The following CARMIL1 variants were observed in gnomAD, a reference collection of about 807,000 sequenced individuals.
The protein encoded by CARMIL1 is F-actin-uncapping protein LRRC16A.
In CARMIL1, 90 loss-of-function variants were observed where a neutral mutation model predicts 177.1. The ratio of observed to expected loss-of-function variants is 0.51; its 90% confidence interval spans 0.43 to 0.61. The LOEUF is 0.61. CARMIL1 is among the 20% of genes least tolerant of loss of function. The pLI is 0.00. For missense variants in CARMIL1, 1,380 were observed against 1,667.0 expected (o/e 0.83, Z 3.00); for synonymous variants, 577 against 606.2 (o/e 0.95, Z 0.71).
At chr6:25,354,194 C>G (rs1024175063) in intron 2 of CARMIL1, among the ~76,000 whole-genome samples, 2 of 151,820 alleles carry the variant, frequency 1.3e-5, no homozygotes, top group African/African-American at 4.8e-5. Flanking sequence ...AGTATTTTGT[C>G]TGTCACCTAG....
At chr6:25,417,796 G>T (rs1309452998) in intron 2 of CARMIL1, among the ~76,000 whole-genome samples, 2 of 152,192 alleles carry the variant, frequency 1.3e-5, no homozygotes, top group South Asian at 4.1e-4. Flanking sequence ...GAATGACCTT[G>T]AAGTGAGTTC....
intron 23 of CARMIL1, among the ~76,000 whole-genome samples, chr6:25,524,153 A>G (rs551445989): frequency 1.1e-4 from 16 of 152,318 alleles, no homozygotes; most frequent in African/African-American, 3.6e-4. Flanking sequence ...AAAGATGATT[A>G]AACAACCCGC....
At chr6:25,514,370 A>C (rs58000836) in intron 20 of CARMIL1, among the ~76,000 whole-genome samples, 32,764 of 151,686 alleles carry the variant, frequency 0.22, 3,816 homozygotes, top group Non-Finnish European at 0.24. Context: ...AACATGGTGA[A>C]ACCCTGTCTC....
intron 29 of CARMIL1, among the ~76,000 whole-genome samples, chr6:25,573,961 C>T (rs1812355579): frequency 6.6e-6 from 1 of 152,192 alleles, no homozygotes; most frequent in Admixed American, 6.5e-5. Flanking sequence ...CACTTTTTAA[C>T]ACTTCCACAG....
intron 29 of CARMIL1, among the ~76,000 whole-genome samples, chr6:25,570,456 A>G (rs1811977560): frequency 6.6e-6 from 1 of 152,190 alleles, no homozygotes. Flanking sequence ...TTTGCTTTTT[A>G]AGGAGAACAT....
intron 3 of CARMIL1, among the ~76,000 whole-genome samples, chr6:25,423,184 T>C (rs1795999097): frequency 6.6e-6 from 1 of 152,242 alleles, no homozygotes; most frequent in South Asian, 2.1e-4. Context: ...TAGATGTCTT[T>C]TCTTTGGAAG....
intron 2 of CARMIL1, among the ~76,000 whole-genome samples, chr6:25,313,277 C>T (rs1428353169): frequency 7.9e-5 from 12 of 152,154 alleles, no homozygotes; most frequent in African/African-American, 2.7e-4. Flanking sequence ...AGAAGGGTCT[C>T]TTCCTCCTTT....
At chr6:25,461,344 T>G (rs1010382642) in intron 8 of CARMIL1, among the ~76,000 whole-genome samples, 3 of 152,220 alleles carry the variant, frequency 2.0e-5, no homozygotes, top group African/African-American at 7.2e-5. Flanking sequence ...AAGTGCTAAG[T>G]GTTCTGGTTA....
At chr6:25,505,418 C>A (rs769978530) in intron 17 of CARMIL1, among the ~76,000 whole-genome samples, 1 of 152,060 alleles carries the variant, frequency 6.6e-6, no homozygotes. Context: ...TTCCCATGTA[C>A]CCAAGTATCT....
At chr6:25,355,653 G>A (rs1480632565) in intron 2 of CARMIL1, among the ~76,000 whole-genome samples, 1 of 152,086 alleles carries the variant, frequency 6.6e-6, no homozygotes, top group Non-Finnish European at 1.5e-5. Context: ...CAGCCTGGGT[G>A]ACAGAGCAAG....
At chr6:25,514,584 C>T (rs1324612749) in intron 20 of CARMIL1, among the ~76,000 whole-genome samples, 1 of 137,682 alleles carries the variant, frequency 7.3e-6, no homozygotes, top group Non-Finnish European at 1.6e-5. Context: ...ACAAGTGTGA[C>T]TTAAAAAAAG....
At position 25,563,557 on chromosome 6, in the gene CARMIL1, G is replaced by T. The variant is rs538352779; in HGVS notation, c.2742+6707G>T. 1.9e-5 allele frequency: 19 copies of T among 985,444 alleles called. No homozygotes were observed. In the South Asian group the frequency reaches 7.5e-4, roughly 39 times the overall value. 61.0% of individuals were successfully genotyped at this position (985,444 alleles called of 1,614,324 possible). On this transcript the variant is annotated intron_variant, in intron 29 of 36. Coordinates refer to ENST00000329474, the MANE Select transcript of CARMIL1 (RefSeq NM_017640.6). ...TCAACAGAGCCCAGAGGAGGAGGCA[G>T]TTGTACTTGATGTTGAAGTCTTAGG...
intron 2 of CARMIL1, among the ~76,000 whole-genome samples, chr6:25,385,250 G>A (rs1424059963): frequency 6.6e-6 from 1 of 152,240 alleles, no homozygotes. Context: ...GCCAAGAGTG[G>A]TGAGAGAATG....
intron 8 of CARMIL1, chr6:25,451,988 C>CT: frequency 7.3e-5 from 5 of 68,724 alleles, no homozygotes; most frequent in South Asian, 4.5e-4. Context: ...AGCATCTTGC[C>CT]CCCCCCTCCC....
chr6:25,595,225 A>T (rs545674992), intron 32 of CARMIL1, among the ~76,000 whole-genome samples: 15 of 152,010 alleles, frequency 9.9e-5, no homozygotes, highest in African/African-American at 3.6e-4. Context: ...ATACAAATCT[A>T]TCCCAAAATA....
intron 3 of CARMIL1, 34 bp from the exon 4 acceptor site, chr6:25,426,463 TGCAG>T: frequency 6.6e-7 from 1 of 1,519,546 alleles, no homozygotes; most frequent in Non-Finnish European, 9.1e-7. Flanking sequence ...AAACCCTCAT[TGCAG>T]GTCTTTTCTT....
At chr6:25,324,442 A>G (rs549207634) in intron 2 of CARMIL1, among the ~76,000 whole-genome samples, 41 of 152,204 alleles carry the variant, frequency 2.7e-4, no homozygotes, top group African/African-American at 9.6e-4. Context: ...CCTGATCAGA[A>G]GAAAAAGAGA....
At chr6:25,339,066 C>T (rs1581615508) in intron 2 of CARMIL1, among the ~76,000 whole-genome samples, 2 of 151,360 alleles carry the variant, frequency 1.3e-5, no homozygotes, top group East Asian at 3.9e-4. Context: ...ATTTTTGTCC[C>T]CATCAATATA....
rs879579526 is a variant in CARMIL1 at position 25,534,515 on chromosome 6, TA to T, written c.2068-3329del. Among the ~76,000 whole-genome samples the T allele has an allele frequency of 6.0e-3, 872 of 145,934 alleles. 3 individuals carry two copies. Among genetic ancestry groups the T allele is most frequent in the African/African-American group, 0.02 (812 of 39,962 alleles). ...CCGTACAAATCTTTCAGGACTCAGC[TA>T]AAAAAAAAAATAAAAGTTATTTTTA... On this transcript the variant is annotated intron_variant, in intron 24 of 36. Coordinates refer to ENST00000329474, the MANE Select transcript of CARMIL1 (RefSeq NM_017640.6).
Sources: gnomAD v4.1 joint callset for allele counts (sites outside exome capture counted in the v4.1 genomes callset) on GRCh38, gnomAD v4.1.1 for gene constraint, MANE v1.5 for transcripts, NCBI Gene and HGNC (gene_info 2026-07-23, HGNC 2026-07-21) for gene names.